MYPN: variants seen among roughly 807,000 people sequenced by gnomAD.
The protein encoded by MYPN is myopalladin, also known as sarcomeric protein myopalladin, 145 kDa (MYOP).
In MYPN, 63 loss-of-function variants were observed where a neutral mutation model predicts 129.4. The ratio of observed to expected loss-of-function variants is 0.49; its 90% CI spans 0.40 to 0.60. The LOEUF is 0.60. MYPN is among the 20% of genes least tolerant of loss of function. MYPN has a pLI of 0.00. For synonymous variants in MYPN, 629 were observed against 600.9 expected, an observed-to-expected ratio of 1.05 and a Z score of -0.68; for missense variants, 1,596 against 1,635.4, an observed-to-expected ratio of 0.98 and a Z score of 0.42.
In MYPN at chr10:68,203,720, C is replaced by CAGAG. The variant is rs371058853; in HGVS notation, c.3659+1750_3659+1753dup. Among the ~76,000 whole-genome samples, 1,087 of 115,726 alleles carry CAGAG rather than the reference C, an allele frequency of 9.4e-3. 17 individuals are homozygous for CAGAG. The highest frequency in any genetic ancestry group is 0.023 in the African/African-American group (805 of 35,310). The allele number at this position is 115,726 out of a possible 152,430, so 75.9% of individuals were successfully genotyped here. ...ACACACACACACACACATACACACA[C>CAGAG]AGAGAGAGAGAGAGAGAGAGAGAGA... On this transcript the variant is annotated intron_variant, in intron 18 of 19. Coordinates refer to ENST00000358913, the MANE Select transcript of MYPN (RefSeq NM_032578.4).
intron 6 of MYPN, among the ~76,000 whole-genome samples, chr10:68,152,025 C>T (rs1405766523): frequency 6.6e-6 from 1 of 152,084 alleles, no homozygotes; most frequent in East Asian, 1.9e-4. Context: ...GTAAGATGTA[C>T]ATTGATTTGG....
rs191067795 is a variant in MYPN, at chr10:68,161,244, C to T, written c.1460-485C>T. On this transcript the variant is annotated intron_variant, in intron 7 of 19. Coordinates refer to ENST00000358913, the MANE Select transcript of MYPN (RefSeq NM_032578.4). ...GGCACAGTGGCTCCTGCCTGTAATCCCAGCACTTTGGGAGGCTAAGGCGGG... is the reference window on the plus strand; with the variant it reads ...GGCACAGTGGCTCCTGCCTGTAATCTCAGCACTTTGGGAGGCTAAGGCGGG... 2.2e-3 allele frequency among the ~76,000 whole-genome samples: 335 copies of T among 152,258 alleles called. 4 individuals are homozygous for T. The highest frequency in any genetic ancestry group is 7.9e-3 in the African/African-American group (327 of 41,540).
rs759171149 is a variant in MYPN at position 68,194,511 on chromosome 10, A to G, written c.3074A>G (p.Gln1025Arg). Reference sequence around the variant, plus strand: ...TACACCATCATGGCAGCCAACCCCCAGGTGGAGACGCAGGGTTCTGCGCTG... The same window carrying G: ...TACACCATCATGGCAGCCAACCCCCGGGTGGAGACGCAGGGTTCTGCGCTG... The part of the protein sequence containing the change: ...GNYTIMAANP[Q>R]GRISCSGHLM... Residue 1025 changes from glutamine to arginine, a missense_variant and splice_region_variant, in exon 14 of 20, where the codon CAG becomes CGG. By Grantham distance (43) the Gln-to-Arg change is conservative (BLOSUM62 1). Coordinates refer to ENST00000358913, the MANE Select transcript of MYPN (RefSeq NM_032578.4). 1.2e-6 allele frequency: 2 copies of G among 1,613,366 alleles called. No homozygotes were observed. The highest frequency in any genetic ancestry group is 1.7e-6 in the Non-Finnish European group (2 of 1,179,702).
intron 2 of MYPN, among the ~76,000 whole-genome samples, chr10:68,130,634 C>A (rs2042395744): frequency 6.6e-6 from 1 of 151,466 alleles, no homozygotes; most frequent in South Asian, 2.1e-4. Context: ...ACTTTTGCTC[C>A]AAATTAATTA....
At chr10:68,143,732 G>GT (rs968976199) in intron 3 of MYPN, among the ~76,000 whole-genome samples, 4 of 151,872 alleles carry the variant, frequency 2.6e-5, no homozygotes, top group African/African-American at 4.8e-5. Context: ...CATGATCTTA[G>GT]TTTTTTTGTT....
intron 1 of MYPN, among the ~76,000 whole-genome samples, chr10:68,090,586 T>C (rs2041926330): frequency 6.6e-6 from 1 of 152,216 alleles, no homozygotes; most frequent in Non-Finnish European, 1.5e-5. Flanking sequence ...TAGGAGGCAC[T>C]AATTATAATT....
chr10:68,168,425 T>C (rs1210451013), intron 10 of MYPN, among the ~76,000 whole-genome samples: 1 of 152,146 alleles, frequency 6.6e-6, no homozygotes, highest in Non-Finnish European at 1.5e-5. Context: ...GAAAAAAAAT[T>C]CTGCCAAAAT....
At chr10:68,105,647 C>G (rs1197753173), upstream of MYPN, among the ~76,000 whole-genome samples, 2 of 152,146 alleles carry the variant, frequency 1.3e-5, no homozygotes, top group Non-Finnish European at 2.9e-5. Context: ...TGTTTTAATG[C>G]AAACCACACA....
intron 2 of MYPN, among the ~76,000 whole-genome samples, chr10:68,133,180 C>T (rs996781859): frequency 4.6e-5 from 7 of 152,014 alleles, no homozygotes; most frequent in African/African-American, 1.7e-4. Context: ...TGCCTGCCAT[C>T]ATGCCCAGCT....
At chr10:68,114,729 T>C (rs947032691) in intron 1 of MYPN, among the ~76,000 whole-genome samples, 8 of 152,182 alleles carry the variant, frequency 5.3e-5, no homozygotes, top group African/African-American at 9.7e-5. Context: ...AAAATAGAGA[T>C]ATTTAGGAAA....
intron 2 of MYPN, 47 bp downstream of exon 2, chr10:68,122,387 A>AG: frequency 6.3e-7 from 1 of 1,584,350 alleles, no homozygotes; most frequent in East Asian, 2.2e-5. Context: ...CTTTCCATCT[A>AG]CCATGACCCT....
At chr10:68,172,747 A>G (rs61854649) in intron 10 of MYPN, among the ~76,000 whole-genome samples, 9,993 of 152,242 alleles carry the variant, frequency 0.066, 484 homozygotes, top group Middle Eastern at 0.099. Context: ...TCAAATTAGG[A>G]CATTTCTGAG....
At chr10:68,199,645 T>TTTGG in intron 17 of MYPN, 70 bp downstream of exon 17, 2 of 1,457,270 alleles carry the variant, frequency 1.4e-6, no homozygotes, top group Non-Finnish European at 1.9e-6. Context: ...GCAGAGCCTC[T>TTTGG]GCCAGAATTC....
In MYPN at chr10:68,166,569, G is replaced by A. The variant is rs754064567; in HGVS notation, c.1876G>A (p.Asp626Asn). Reference sequence around the variant, plus strand: ...GGTGACCACCAGACAGACCAGGCCCGATTCTTTCCAGGAGAGGTTCAACGG... The same window carrying A: ...GGTGACCACCAGACAGACCAGGCCCAATTCTTTCCAGGAGAGGTTCAACGG... ...GVVTTRQTRP[D>N]SFQERFNGQA... is the part of the protein sequence containing the mutation. Residue 626 changes from aspartate to asparagine, a missense_variant, in exon 10 of 20, where the codon GAT becomes AAT. Physicochemically the swap from Asp to Asn is conservative, Grantham distance 23 (BLOSUM62 1). Transcript: ENST00000358913. 18 of 1,613,986 alleles carry A rather than the reference G, an allele frequency of 1.1e-5. No individual in the cohort carries two copies. The highest frequency in any genetic ancestry group is 3.3e-5 in the Admixed American group (2 of 59,990).
intron 1 of MYPN, among the ~76,000 whole-genome samples, chr10:68,098,334 G>C (rs983821363): frequency 1.3e-5 from 2 of 152,096 alleles, no homozygotes; most frequent in Admixed American, 6.5e-5. Flanking sequence ...GTGGCACTTG[G>C]AAACGTTCTC....
chr10:68,139,045 G>C (rs1279768856), intron 2 of MYPN, among the ~76,000 whole-genome samples: 3 of 152,120 alleles, frequency 2.0e-5, no homozygotes, highest in African/African-American at 7.2e-5. Context: ...TAAGGCCCAT[G>C]TTTTTCCCTA....
intron 10 of MYPN, among the ~76,000 whole-genome samples, chr10:68,169,301 T>C (rs7911060): frequency 0.41 from 59,475 of 145,662 alleles, 13,675 homozygotes; most frequent in Non-Finnish European, 0.52. Context: ...GAGCTTGCAG[T>C]GGGCCAAGAT....
intron 6 of MYPN, among the ~76,000 whole-genome samples, chr10:68,156,267 G>T (rs1476990848): frequency 6.6e-6 from 1 of 152,112 alleles, no homozygotes; most frequent in Non-Finnish European, 1.5e-5. Context: ...GGGTGTCTAA[G>T]TGCCATTAAA....
At chr10:68,096,836 TA>T (rs1421540854) in intron 1 of MYPN, among the ~76,000 whole-genome samples, 1 of 152,238 alleles carries the variant, frequency 6.6e-6, no homozygotes, top group African/African-American at 2.4e-5. Flanking sequence ...ACCTTAACAA[TA>T]ATTTGGTTAG....
Sources: gnomAD v4.1 joint callset for allele counts (sites outside exome capture counted in the v4.1 genomes callset) on GRCh38, gnomAD v4.1.1 for gene constraint, MANE v1.5 for transcripts, NCBI Gene and HGNC (gene_info 2026-07-23, HGNC 2026-07-21) for gene names.